PAX7: variants seen among roughly 807,000 people sequenced by gnomAD.
PAX7 encodes paired box protein Pax-7.
PAX7 carries 18 observed loss-of-function variants against 50.7 expected under a neutral mutation model. The observed-to-expected ratio is 0.36, with a 90% CI of 0.25 to 0.53. The LOEUF (loss-of-function observed/expected upper bound fraction) is 0.53. PAX7 is among the 20% of genes least tolerant of loss of function. PAX7 has a pLI of 0.93. For synonymous variants in PAX7, 310 were observed against 290.4 expected (o/e 1.07, Z -0.69); for missense variants, 644 against 702.9 (o/e 0.92, Z 0.95).
intron 7 of PAX7, among the ~76,000 whole-genome samples, chr1:18,714,538 A>T (rs2089394543): frequency 6.6e-6 from 1 of 152,224 alleles, no homozygotes; most frequent in Admixed American, 6.5e-5. Flanking sequence ...CAAAGGTTGG[A>T]AACTCAGGAG....
intron 4 of PAX7, 87 bp from the exon 5 acceptor site, chr1:18,691,667 A>G: frequency 8.4e-7 from 1 of 1,194,016 alleles, no homozygotes; most frequent in Non-Finnish European, 1.2e-6. Context: ...GGTGGGCACG[A>G]GTGTGCCTTG....
chr1:18,701,172 G>A (rs1046670139), intron 6 of PAX7, among the ~76,000 whole-genome samples: 9 of 152,206 alleles, frequency 5.9e-5, no homozygotes, highest in African/African-American at 1.4e-4. Flanking sequence ...ACCAGGCTTT[G>A]AGCAGCGAGG....
At chr1:18,725,385 C>T (rs1387690299) in intron 7 of PAX7, among the ~76,000 whole-genome samples, 1 of 151,674 alleles carries the variant, frequency 6.6e-6, no homozygotes, top group Non-Finnish European at 1.5e-5. Flanking sequence ...GGGCGGGGGA[C>T]CAGAGTCAAG....
intron 4 of PAX7, among the ~76,000 whole-genome samples, chr1:18,637,089 C>T (rs1210857490): frequency 6.6e-6 from 1 of 152,146 alleles, no homozygotes; most frequent in Non-Finnish European, 1.5e-5. Flanking sequence ...ATTCTTAGCA[C>T]GGCTTCCGCG....
At chr1:18,659,117 C>G (rs181492691) in intron 4 of PAX7, among the ~76,000 whole-genome samples, 12 of 152,072 alleles carry the variant, frequency 7.9e-5, no homozygotes, top group Non-Finnish European at 1.8e-4. Context: ...ATGTGTGTGT[C>G]TGTGTGTGTA....
At chr1:18,716,774 A>C (rs1189732377) in intron 7 of PAX7, among the ~76,000 whole-genome samples, 1 of 149,226 alleles carries the variant, frequency 6.7e-6, no homozygotes, top group Non-Finnish European at 1.5e-5. Flanking sequence ...AATCTCTCTC[A>C]TTCTCCTCTC....
intron 5 of PAX7, among the ~76,000 whole-genome samples, chr1:18,695,193 T>C (rs1177686364): frequency 1.4e-5 from 2 of 146,322 alleles, no homozygotes; most frequent in Admixed American, 7.0e-5. Context: ...GCTCTGAGGA[T>C]TAAATGATTA....
chr1:18,667,229 T>C (rs2088681136), intron 4 of PAX7, among the ~76,000 whole-genome samples: 1 of 152,102 alleles, frequency 6.6e-6, no homozygotes, highest in African/African-American at 2.4e-5. Flanking sequence ...TCTATAAAAT[T>C]GGGGAAAATA....
chr1:18,634,248 C>T lies in PAX7; in HGVS notation c.86-55C>T. ...AGTCAGGGAGTGTACTCAGTGTCTG[C>T]TCTCCATCCTCACCCTGCACCTCTC... is the stretch of plus-strand genomic sequence containing the variant. On this transcript the variant is annotated intron_variant, in intron 1 of 8. Coordinates refer to ENST00000420770, the MANE Select transcript of PAX7 (RefSeq NM_001135254.2). The surrounding 1 kb of genome is among the most constrained non-coding windows in gnomAD (Gnocchi z 4.0). 7.1e-7 allele frequency: 1 copy of T among 1,412,568 alleles called. No homozygotes were observed. Among genetic ancestry groups the T allele is most frequent in the Non-Finnish European group, 9.8e-7 (1 of 1,016,952 alleles). 87.5% of individuals were successfully genotyped at this position (1,412,568 alleles called of 1,614,324 possible).
chr1:18,692,146 T>TG (rs2089081192), intron 5 of PAX7, among the ~76,000 whole-genome samples, 193 bp downstream of exon 5: 1 of 150,256 alleles, frequency 6.7e-6, no homozygotes, highest in South Asian at 2.1e-4. Context: ...GACTGAGAGC[T>TG]GGACAGCCCA....
At position 18,634,371 on chromosome 1, in the gene PAX7, C is replaced by A. The variant is rs201315560; in HGVS notation, c.154C>A (p.Pro52Thr). Reference protein sequence around the residue: ...GGVFINGRPLPNHIRHKIVEM... With the variant: ...GGVFINGRPLTNHIRHKIVEM... The stretch of plus-strand genomic sequence containing the variant: ...GGTCTTCATCAATGGGCGACCCCTG[C>A]CTAACCACATCCGCCACAAGATAGT... Residue 52 changes from proline (P) to threonine (T), a missense_variant, in exon 2 of 9, where the codon CCT becomes ACT. Physicochemically the swap from Pro to Thr is conservative, Grantham distance 38. Coordinates refer to ENST00000420770, the MANE Select transcript of PAX7 (RefSeq NM_001135254.2). This position sits in a 1 kb window ranked among gnomAD's most constrained non-coding sequence, Gnocchi z 4.0. The A allele has an allele frequency of 6.2e-7, 1 of 1,614,104 alleles. No individual in the cohort carries two copies. The highest frequency in any genetic ancestry group is 8.5e-7 in the Non-Finnish European group (1 of 1,180,034).
At chr1:18,669,259 T>C (rs1443792460) in intron 4 of PAX7, among the ~76,000 whole-genome samples, 1 of 152,214 alleles carries the variant, frequency 6.6e-6, no homozygotes, top group African/African-American at 2.4e-5. Flanking sequence ...TAAAGCTATA[T>C]TCTGCTGGCA....
intron 4 of PAX7, among the ~76,000 whole-genome samples, chr1:18,684,817 G>A (rs1386273692): frequency 2.0e-5 from 3 of 152,208 alleles, no homozygotes; most frequent in Non-Finnish European, 4.4e-5. Flanking sequence ...CGGGAGAGGG[G>A]AGCGCAGAAG....
chr1:18,673,337 A>G (rs2236832), intron 4 of PAX7, among the ~76,000 whole-genome samples: 85,307 of 152,112 alleles, frequency 0.56, 25,773 homozygotes, highest in African/African-American at 0.79. Context: ...AGAAGACCAC[A>G]TGCTCTTCAG....
intron 4 of PAX7, among the ~76,000 whole-genome samples, chr1:18,649,832 G>A (rs1449648125): frequency 6.6e-6 from 1 of 152,250 alleles, no homozygotes; most frequent in Non-Finnish European, 1.5e-5. Flanking sequence ...AGAGGCCCTA[G>A]CCTGAGCACT....
intron 8 of PAX7, 91 bp from the exon 9 acceptor site, chr1:18,744,723 T>C: frequency 1.4e-6 from 1 of 725,766 alleles, no homozygotes; most frequent in East Asian, 2.7e-5. Flanking sequence ...GATGGATGGA[T>C]GGATGGATGG....
At chr1:18,722,726 G>A (rs1477630066) in intron 7 of PAX7, among the ~76,000 whole-genome samples, 1 of 152,170 alleles carries the variant, frequency 6.6e-6, no homozygotes, top group Non-Finnish European at 1.5e-5. Flanking sequence ...AGTGCCAGCA[G>A]GGAGCAGGAG....
intron 4 of PAX7, among the ~76,000 whole-genome samples, chr1:18,688,796 C>T (rs573634976): frequency 6.6e-6 from 1 of 152,156 alleles, no homozygotes; most frequent in Non-Finnish European, 1.5e-5. Context: ...TGCCTGTAGT[C>T]CCAGCTACTC....
chr1:18,719,762 A>T (rs1380498790), intron 7 of PAX7, among the ~76,000 whole-genome samples: 2 of 151,744 alleles, frequency 1.3e-5, no homozygotes, highest in South Asian at 4.2e-4. Flanking sequence ...AACCAACTTC[A>T]TTCTCCTTGT....
Sources: gnomAD v4.1 joint callset for allele counts (sites outside exome capture counted in the v4.1 genomes callset) on GRCh38, gnomAD v4.1.1 for gene constraint, Gnocchi (gnomAD v3.1) non-coding constraint, MANE v1.5 for transcripts, NCBI Gene and HGNC (gene_info 2026-07-23, HGNC 2026-07-21) for gene names.